The following GNAQ variants were observed in gnomAD, a reference collection of about 807,000 sequenced individuals.
The protein encoded by GNAQ is guanine nucleotide-binding protein G(q) subunit alpha.
GNAQ carries 8 observed loss-of-function variants against 43.9 expected under a neutral mutation model. The ratio of observed to expected loss-of-function variants is 0.18; its 90% CI spans 0.11 to 0.33. The LOEUF is 0.33. Ranked by LOEUF, GNAQ falls within the 10% of genes least tolerant of loss-of-function variation. The pLI, the probability that GNAQ is intolerant of heterozygous loss-of-function variation, is 1.00. For missense variants in GNAQ, 158 were observed against 450.8 expected, an observed-to-expected ratio of 0.35 and a Z score of 5.88; for synonymous variants, 155 against 170.7, an observed-to-expected ratio of 0.91 and a Z score of 0.71.
chr9:77,981,170 CT>C (rs1260583518), intron 1 of GNAQ, among the ~76,000 whole-genome samples: 1 of 152,022 alleles, frequency 6.6e-6, no homozygotes, highest in African/African-American at 2.4e-5. Context: ...TTTAATTGGC[CT>C]TTCCCTATCT....
intron 2 of GNAQ, among the ~76,000 whole-genome samples, chr9:77,848,098 G>T (rs560352307): frequency 6.6e-6 from 1 of 152,118 alleles, no homozygotes; most frequent in Non-Finnish European, 1.5e-5. Context: ...TCTCTATCAC[G>T]ATCAATGAGA....
chr9:77,758,496 A>G (rs1825938514), intron 5 of GNAQ, among the ~76,000 whole-genome samples: 2 of 152,236 alleles, frequency 1.3e-5, no homozygotes. Flanking sequence ...CTAAATTGCT[A>G]ATTTTAAAAA....
rs754317650 is a variant in GNAQ, at chr9:77,815,781, A to T, written c.322-11T>A. The T allele has an allele frequency of 1.9e-5, 31 of 1,598,746 alleles. No homozygotes were observed. Among genetic ancestry groups the T allele is most frequent in the Non-Finnish European group, 2.4e-5 (28 of 1,170,912 alleles). On this transcript the variant is annotated splice_polypyrimidine_tract_variant and intron_variant, in intron 2 of 6. Transcript: ENST00000286548. ...TAATTGTGCATGAGCCTGTTTAAAT[A>T]AAAAAAGGCAGTTTTAATACCCTAT...
Position 78,030,983 on chromosome 9 carries a change from G to A in GNAQ, c.136+117C>T, listed in dbSNP as rs565689152. ...GCAGTGGCCGGGGGCGCGCCCGGGAGGGTAGGGGCGAACCGCGGGCGCCGG... is the reference window on the plus strand; with the variant it reads ...GCAGTGGCCGGGGGCGCGCCCGGGAAGGTAGGGGCGAACCGCGGGCGCCGG... On this transcript the variant is annotated intron_variant, in intron 1 of 6. Coordinates refer to ENST00000286548, the MANE Select transcript of GNAQ (RefSeq NM_002072.5). The A allele has an allele frequency of 2.0e-3, 1,304 of 662,382 alleles. 4 individuals carry two copies. Among genetic ancestry groups the A allele is most frequent in the Non-Finnish European group, 2.1e-3 (987 of 467,370 alleles). The allele number at this position is 662,382 out of a possible 1,614,324, so 41.0% of individuals were successfully genotyped here. A position where few individuals can be genotyped will look rare whatever the true frequency, so the allele number is the denominator to read the frequency against.
intron 1 of GNAQ, among the ~76,000 whole-genome samples, chr9:77,988,183 G>T (rs1489461399): frequency 1.3e-5 from 2 of 152,252 alleles, no homozygotes; most frequent in African/African-American, 4.8e-5. Context: ...GAAGGAAACA[G>T]TAAGAGAAAG....
At chr9:77,763,147 A>AC (rs1564103736) in intron 5 of GNAQ, among the ~76,000 whole-genome samples, 69 of 145,012 alleles carry the variant, frequency 4.8e-4, no homozygotes, top group Admixed American at 1.4e-3. Context: ...CAAACAAAAA[A>AC]AAAAAAAACA....
intron 4 of GNAQ, among the ~76,000 whole-genome samples, chr9:77,795,575 C>G (rs1826644241): frequency 6.6e-6 from 1 of 152,126 alleles, no homozygotes; most frequent in Non-Finnish European, 1.5e-5. Context: ...TAAACCTAAA[C>G]AAGAACTAAG....
chr9:78,030,597 T>G (rs1423383022), intron 1 of GNAQ: 1 of 467,184 alleles, frequency 2.1e-6, no homozygotes, highest in Admixed American at 2.4e-5. Flanking sequence ...TGATAATGGA[T>G]GCACACCGGC....
chr9:77,796,673 T>C (rs541976349), intron 4 of GNAQ, among the ~76,000 whole-genome samples: 1 of 152,338 alleles, frequency 6.6e-6, no homozygotes, highest in South Asian at 2.1e-4. Context: ...TAACCCATTT[T>C]CAAAATCATG....
At chr9:77,897,073 C>T (rs1828516176) in intron 2 of GNAQ, among the ~76,000 whole-genome samples, 1 of 152,194 alleles carries the variant, frequency 6.6e-6, no homozygotes, top group South Asian at 2.1e-4. Flanking sequence ...ACTCTGCCAA[C>T]CCGCCCCTTT....
chr9:78,009,421 G>A (rs775064453), intron 1 of GNAQ, among the ~76,000 whole-genome samples: 6 of 152,144 alleles, frequency 3.9e-5, no homozygotes, highest in Non-Finnish European at 7.3e-5. Flanking sequence ...AAGAGCAGAC[G>A]TCCCTCTCTC....
In GNAQ at chr9:77,932,866, T is replaced by C. The variant is rs1829172284; in HGVS notation, c.137-10521A>G. Among the ~76,000 whole-genome samples the C allele has an allele frequency of 3.3e-5, 5 of 151,560 alleles. No individual in the cohort carries two copies. The South Asian group carries it at 1.0e-3, about 32-fold the overall frequency. ...ACAAATTAGTAGGGTATTCCAACAA[T>C]CAAAACAAAAAAAAATCCTAAAAAA... On this transcript the variant is annotated intron_variant, in intron 1 of 6. Transcript: ENST00000286548.
chr9:77,761,236 C>T (rs1319379764), intron 5 of GNAQ, among the ~76,000 whole-genome samples: 1 of 141,082 alleles, frequency 7.1e-6, no homozygotes, highest in South Asian at 2.3e-4. Flanking sequence ...AGTGAGGAGC[C>T]CCTCTGCCCG....
At chr9:77,831,732 T>C (rs560261706) in intron 2 of GNAQ, among the ~76,000 whole-genome samples, 4 of 152,332 alleles carry the variant, frequency 2.6e-5, no homozygotes, top group Admixed American at 1.3e-4. Context: ...CACTGCTATA[T>C]AGAGAATACA....
At chr9:77,856,185 T>TGGG (rs533216799) in intron 2 of GNAQ, among the ~76,000 whole-genome samples, 275 of 152,326 alleles carry the variant, frequency 1.8e-3, no homozygotes, top group African/African-American at 6.2e-3. Flanking sequence ...GGCTGATTTA[T>TGGG]GGGTGTGTTT....
At chr9:77,929,158 T>G (rs935239519) in intron 1 of GNAQ, among the ~76,000 whole-genome samples, 1 of 152,256 alleles carries the variant, frequency 6.6e-6, no homozygotes, top group African/African-American at 2.4e-5. Context: ...AGCAAGTTAC[T>G]TTGAGCCAAT....
intron 5 of GNAQ, among the ~76,000 whole-genome samples, chr9:77,773,694 A>G (rs552140310): frequency 1.4e-4 from 22 of 152,172 alleles, no homozygotes; most frequent in Non-Finnish European, 2.5e-4. Context: ...CATTATATTC[A>G]TTGGCAATTC....
At chr9:77,780,075 T>G (rs370122335) in intron 5 of GNAQ, among the ~76,000 whole-genome samples, 13 of 151,886 alleles carry the variant, frequency 8.6e-5, no homozygotes, top group East Asian at 3.8e-4. Context: ...AGTGATCAGA[T>G]GAGAGTAATC....
At chr9:77,967,683 T>G (rs1362666979) in intron 1 of GNAQ, among the ~76,000 whole-genome samples, 1 of 152,086 alleles carries the variant, frequency 6.6e-6, no homozygotes, top group Non-Finnish European at 1.5e-5. Context: ...GAGTGACTGT[T>G]AAAATGTTCA....
Sources: gnomAD v4.1 joint callset for allele counts (sites outside exome capture counted in the v4.1 genomes callset) on GRCh38, gnomAD v4.1.1 for gene constraint, MANE v1.5 for transcripts, NCBI Gene and HGNC (gene_info 2026-07-23, HGNC 2026-07-21) for gene names.